Variants in LPA observed in about 807,000 individuals in gnomAD.
LPA encodes the protein lipoprotein(a).
LPA carries 199 observed loss-of-function variants against 197.9 expected under a neutral mutation model. The ratio of observed to expected loss-of-function variants is 1.01; its 90% CI spans 0.90 to 1.13. LPA has a LOEUF of 1.13. Among genes scored for constraint, LPA ranks in the 50% most tolerant of loss-of-function variants. The pLI is 0.00. For missense variants in LPA, 1,853 were observed against 1,785.8 expected (o/e 1.04, Z -0.68); for synonymous variants, 715 against 639.5 (o/e 1.12, Z -1.78).
At chr6:160,547,726 C>A (rs1013583175) in intron 32 of LPA, 63 bp downstream of exon 32, 1 of 1,609,068 alleles carries the variant, frequency 6.2e-7, no homozygotes, top group South Asian at 1.1e-5. Context: ...TTTCCTCTGC[C>A]CCTCTTCTGT....
intron 32 of LPA, among the ~76,000 whole-genome samples, chr6:160,545,846 G>C (rs1321161984): frequency 6.6e-6 from 1 of 152,088 alleles, no homozygotes. Flanking sequence ...AGAGGACAGT[G>C]GGACATCATT....
At chr6:160,603,797 G>C (rs1196020294) in intron 18 of LPA, among the ~76,000 whole-genome samples, 1 of 152,206 alleles carries the variant, frequency 6.6e-6, no homozygotes, top group African/African-American at 2.4e-5. Flanking sequence ...AATGCTTGGA[G>C]ACTTGCTTTT....
chr6:160,661,116 T>A (rs1237652943), intron 1 of LPA, among the ~76,000 whole-genome samples: 1 of 152,036 alleles, frequency 6.6e-6, no homozygotes, highest in Non-Finnish European at 1.5e-5. Flanking sequence ...TCAGCAGCCC[T>A]CTTCCAAGCC....
At chr6:160,652,315 G>C (rs1035936802) in intron 1 of LPA, among the ~76,000 whole-genome samples, 1 of 152,000 alleles carries the variant, frequency 6.6e-6, no homozygotes, top group African/African-American at 2.4e-5. Context: ...CAGAGAAAAA[G>C]GAACTATTGA....
intron 1 of LPA, among the ~76,000 whole-genome samples, chr6:160,662,940 A>G (rs775394107): frequency 6.6e-6 from 1 of 152,204 alleles, no homozygotes; most frequent in Non-Finnish European, 1.5e-5. Context: ...AAGCATGCCC[A>G]CTACAAAACT....
chr6:160,595,701 A>G lies in LPA; in HGVS notation c.3288-166T>C, dbSNP rs569434138. Among the ~76,000 whole-genome samples the G allele has an allele frequency of 1.4e-4, 21 of 152,360 alleles. No homozygotes were observed. In the South Asian group the frequency reaches 3.9e-3, roughly 29 times the overall value. ...GGTCCTCAACTTCTAAACAACTGCG[A>G]ACATCTCAAAGACAAATTATCATTC... On this transcript the variant is annotated intron_variant, in intron 20 of 38. Coordinates refer to ENST00000316300, the MANE Select transcript of LPA (RefSeq NM_005577.4).
chr6:160,570,154 T>C (rs1252012951), intron 28 of LPA, among the ~76,000 whole-genome samples: 1 of 152,250 alleles, frequency 6.6e-6, no homozygotes, highest in Non-Finnish European at 1.5e-5. Flanking sequence ...TAAAGGATTA[T>C]AAATCATGCT....
chr6:160,662,586 A>G (rs1780245076), intron 1 of LPA, among the ~76,000 whole-genome samples: 4 of 152,138 alleles, frequency 2.6e-5, no homozygotes, highest in Admixed American at 2.0e-4. Context: ...AGCCTGCTGA[A>G]TAAGTTCACA....
chr6:160,565,645 C>T (rs116384640), intron 28 of LPA, among the ~76,000 whole-genome samples: 3,751 of 152,274 alleles, frequency 0.025, 152 homozygotes, highest in African/African-American at 0.086. Flanking sequence ...CAGCTCCTCA[C>T]GAGCAACAGA....
At chr6:160,533,189 G>A (rs1262029734) in intron 37 of LPA, among the ~76,000 whole-genome samples, 1 of 152,184 alleles carries the variant, frequency 6.6e-6, no homozygotes, top group East Asian at 1.9e-4. Flanking sequence ...GAAATATGGT[G>A]ACGGTTGCAC....
At chr6:160,607,741 C>G (rs1324539095) in intron 16 of LPA, among the ~76,000 whole-genome samples, 1 of 152,092 alleles carries the variant, frequency 6.6e-6, no homozygotes, top group African/African-American at 2.4e-5. Context: ...AATCCCAGAC[C>G]CTCCATTCCA....
intron 2 of LPA, among the ~76,000 whole-genome samples, chr6:160,647,471 G>T (rs1240217414): frequency 6.6e-6 from 1 of 152,170 alleles, no homozygotes; most frequent in South Asian, 2.1e-4. Flanking sequence ...ATGTGGCCTA[G>T]TCTCAGTCCC....
intron 1 of LPA, among the ~76,000 whole-genome samples, chr6:160,652,073 A>C (rs2115100934): frequency 6.6e-6 from 1 of 151,888 alleles, no homozygotes; most frequent in South Asian, 2.1e-4. Context: ...GAATGATCTA[A>C]CATTTGAATA....
chr6:160,608,875 G>C (rs1779419122), intron 16 of LPA, among the ~76,000 whole-genome samples: 1 of 151,736 alleles, frequency 6.6e-6, no homozygotes, highest in Non-Finnish European at 1.5e-5. Context: ...GTGTGTATGG[G>C]TGTGTTGTAT....
chr6:160,576,686 G>GTATA (rs775805522), intron 28 of LPA, among the ~76,000 whole-genome samples: 27 of 122,272 alleles, frequency 2.2e-4, no homozygotes, highest in African/African-American at 7.2e-4. Context: ...GTGTGTGTGT[G>GTATA]TGTGTATATA....
At chr6:160,654,636 C>T (rs965866666) in intron 1 of LPA, among the ~76,000 whole-genome samples, 2 of 151,990 alleles carry the variant, frequency 1.3e-5, no homozygotes, top group Non-Finnish European at 2.9e-5. Flanking sequence ...CAACCAGAAA[C>T]GCACCAATCC....
rs528879943 is a variant in LPA at position 160,594,749 on chromosome 6, G to T, written c.3469+605C>A. The stretch of plus-strand genomic sequence containing the variant: ...TTCTCAGAGACCAACACAGATATAT[G>T]TTCCATGAGAAGGAGGGGCAAGAAC... On this transcript the variant is annotated intron_variant, in intron 21 of 38. Coordinates refer to ENST00000316300, the MANE Select transcript of LPA (RefSeq NM_005577.4). Among the ~76,000 whole-genome samples, 42 of 152,272 alleles carry T rather than the reference G, an allele frequency of 2.8e-4. No homozygotes were observed. In the South Asian group the frequency reaches 3.9e-3, roughly 14 times the overall value.
rs551315858 is a variant in LPA at position 160,538,329 on chromosome 6, G to A, written c.5736-368C>T. 5.3e-5 allele frequency among the ~76,000 whole-genome samples: 8 copies of A among 152,326 alleles called. No homozygotes were observed. In the South Asian group the frequency reaches 8.3e-4, roughly 16 times the overall value. ...GAGGGCATTGATGACTGGGCAGAAT[G>A]TCTGGCTGAGACATCATCAAGAGGG... On this transcript the variant is annotated intron_variant, in intron 36 of 38. Coordinates refer to ENST00000316300, the MANE Select transcript of LPA (RefSeq NM_005577.4).
At chr6:160,594,212 G>T in intron 21 of LPA, 95 bp from the exon 22 acceptor site, 1 of 1,473,148 alleles carries the variant, frequency 6.8e-7, no homozygotes, top group South Asian at 1.1e-5. Flanking sequence ...TTGTCTCTGA[G>T]AAAGACTACC....
Sources: gnomAD v4.1 joint callset for allele counts (sites outside exome capture counted in the v4.1 genomes callset) on GRCh38, gnomAD v4.1.1 for gene constraint, MANE v1.5 for transcripts, NCBI Gene and HGNC (gene_info 2026-07-23, HGNC 2026-07-21) for gene names.